NUBPL: variants seen among roughly 807,000 people sequenced by gnomAD.
NUBPL encodes iron-sulfur cluster transfer protein NUBPL.
A neutral mutation model predicts 45.7 loss-of-function variants in NUBPL; 31 were observed. The ratio of observed to expected loss-of-function variants is 0.68; its 90% CI spans 0.51 to 0.92. NUBPL has a LOEUF of 0.92. Ranked by LOEUF, NUBPL falls within the 40% of genes least tolerant of loss-of-function variation. The pLI is 0.00. For synonymous variants in NUBPL, 144 were observed against 140.9 expected (o/e 1.02, Z -0.15); for missense variants, 401 against 398.7 (o/e 1.01, Z -0.05).
intron 7 of NUBPL, among the ~76,000 whole-genome samples, chr14:31,813,563 T>G (rs894652528): frequency 2.0e-5 from 3 of 151,622 alleles, no homozygotes; most frequent in Non-Finnish European, 4.4e-5. Flanking sequence ...ATACTTTAAG[T>G]CCTGGGATAC....
At chr14:31,847,823 A>T (rs1159170488) in intron 9 of NUBPL, among the ~76,000 whole-genome samples, 1 of 152,224 alleles carries the variant, frequency 6.6e-6, no homozygotes, top group African/African-American at 2.4e-5. Flanking sequence ...TACTAATGAT[A>T]TATTTTGATA....
chr14:31,688,652 G>GTTTTTTTTTTT (rs552419842), intron 6 of NUBPL, among the ~76,000 whole-genome samples: 31 of 99,110 alleles, frequency 3.1e-4, no homozygotes, highest in African/African-American at 1.2e-3. Flanking sequence ...ACAGGTTTTT[G>GTTTTTTTTTTT]TTGTTGTTTT....
intron 6 of NUBPL, among the ~76,000 whole-genome samples, chr14:31,693,882 G>T (rs2037153839): frequency 7.6e-6 from 1 of 131,072 alleles, no homozygotes. Flanking sequence ...TTGAGACGGA[G>T]TCTCGCTCTG....
intron 7 of NUBPL, among the ~76,000 whole-genome samples, chr14:31,802,062 A>G (rs2039601290): frequency 6.6e-6 from 1 of 152,210 alleles, no homozygotes; most frequent in Non-Finnish European, 1.5e-5. Flanking sequence ...CATTATTAAT[A>G]GGTGGGGACT....
At chr14:31,749,213 T>C (rs2140015851) in intron 6 of NUBPL, among the ~76,000 whole-genome samples, 1 of 152,334 alleles carries the variant, frequency 6.6e-6, no homozygotes, top group African/African-American at 2.4e-5. Context: ...TTTTTTCCTC[T>C]CTTGTTTATC....
intron 4 of NUBPL, among the ~76,000 whole-genome samples, chr14:31,660,501 C>A (rs1331822173): frequency 1.3e-5 from 2 of 152,050 alleles, no homozygotes; most frequent in Non-Finnish European, 2.9e-5. Flanking sequence ...TCTGAACATT[C>A]TTGTATCTTT....
At chr14:31,649,447 T>A (rs751113785) in intron 4 of NUBPL, among the ~76,000 whole-genome samples, 1 of 152,238 alleles carries the variant, frequency 6.6e-6, no homozygotes, top group Non-Finnish European at 1.5e-5. Context: ...TGATTGAACA[T>A]GAAGATAAAA....
rs1415964608 is a variant in NUBPL at position 31,592,464 on chromosome 14, T to G, written c.292-6825T>G. Among the ~76,000 whole-genome samples, 4 of 152,318 alleles carry G rather than the reference T, an allele frequency of 2.6e-5. No homozygotes were observed. In the East Asian group the frequency reaches 7.7e-4, roughly 29 times the overall value. ...CATCTGAATCATTCTTGCAGCCCTGTTGAGAAGAAAGGCTGGGGTGAGGTT... is the reference window on the plus strand; with the variant it reads ...CATCTGAATCATTCTTGCAGCCCTGGTGAGAAGAAAGGCTGGGGTGAGGTT... On this transcript the variant is annotated intron_variant, in intron 3 of 10. Transcript: ENST00000281081.
intron 4 of NUBPL, among the ~76,000 whole-genome samples, chr14:31,643,094 C>T (rs1270889770): frequency 6.6e-6 from 1 of 152,002 alleles, no homozygotes. Context: ...ATCATGTTAT[C>T]TGTGAGCAAG....
chr14:31,570,853 A>G lies in NUBPL; in HGVS notation c.291+5805A>G, dbSNP rs117047666. 1.5e-3 allele frequency among the ~76,000 whole-genome samples: 223 copies of G among 152,332 alleles called. 4 individuals carry two copies. The East Asian group carries it at 0.037, about 25-fold the overall frequency. On this transcript the variant is annotated intron_variant, in intron 3 of 10. Transcript: ENST00000281081. ...GCCTTTGAGGAACTCATAGACTAGC[A>G]TCCCACTGCAATGACCTTTTACCTG...
At chr14:31,578,951 G>A (rs1444831606) in intron 3 of NUBPL, among the ~76,000 whole-genome samples, 1 of 152,176 alleles carries the variant, frequency 6.6e-6, no homozygotes, top group African/African-American at 2.4e-5. Context: ...AATAACTGAC[G>A]AGTTAGATTA....
intron 7 of NUBPL, among the ~76,000 whole-genome samples, chr14:31,821,661 T>G (rs559628071): frequency 6.6e-6 from 1 of 152,334 alleles, no homozygotes; most frequent in Admixed American, 6.5e-5. Context: ...AGCTACCATA[T>G]GATTGAGCAG....
At chr14:31,647,725 A>G (rs935076001) in intron 4 of NUBPL, among the ~76,000 whole-genome samples, 2 of 152,302 alleles carry the variant, frequency 1.3e-5, no homozygotes, top group African/African-American at 4.8e-5. Flanking sequence ...TTAGGCGTTC[A>G]TGATGCTTCC....
chr14:31,610,719 A>G (rs774175450), intron 4 of NUBPL, among the ~76,000 whole-genome samples: 4 of 152,050 alleles, frequency 2.6e-5, no homozygotes, highest in Admixed American at 6.6e-5. Context: ...GTAATACATT[A>G]GACCATTCAT....
chr14:31,841,917 C>CTTT (rs547795007), intron 8 of NUBPL, among the ~76,000 whole-genome samples: 691 of 42,988 alleles, frequency 0.016, 149 homozygotes, highest in African/African-American at 0.035. Context: ...CGATTCTGGG[C>CTTT]TTTTTTTTTT....
At chr14:31,658,027 C>CAA (rs1011404909) in intron 4 of NUBPL, among the ~76,000 whole-genome samples, 4 of 151,976 alleles carry the variant, frequency 2.6e-5, no homozygotes, top group Admixed American at 2.0e-4. Flanking sequence ...TCAGAACAAA[C>CAA]AAAAAAATTC....
rs1566603237 is a variant in NUBPL at position 31,859,679 on chromosome 14, T to C, written c.*499T>C. On this transcript the variant is annotated 3_prime_UTR_variant, in exon 11 of 11. Transcript: ENST00000281081. ...ATCTGGATCACACTATACCCCAGAC[T>C]TAATGAATTTCAGTCTCCAGGAGTG... The C allele has an allele frequency of 5.8e-6, 1 of 171,874 alleles. No individual in the cohort carries two copies. The highest frequency in any genetic ancestry group is 1.3e-5 in the Non-Finnish European group (1 of 78,582). 10.6% of individuals were successfully genotyped at this position (171,874 alleles called of 1,614,324 possible). A position where few individuals can be genotyped will look rare whatever the true frequency, so the allele number is the denominator to read the frequency against.
intron 4 of NUBPL, among the ~76,000 whole-genome samples, chr14:31,622,186 C>T (rs1231776429): frequency 2.0e-5 from 3 of 152,082 alleles, no homozygotes; most frequent in African/African-American, 7.2e-5. Flanking sequence ...TTTAGGATAT[C>T]TGGCAGAAGA....
intron 8 of NUBPL, among the ~76,000 whole-genome samples, chr14:31,840,679 T>C (rs941047100): frequency 3.9e-5 from 6 of 152,118 alleles, no homozygotes; most frequent in Non-Finnish European, 8.8e-5. Context: ...GACTAATACT[T>C]CATAATCTCA....
Sources: gnomAD v4.1 joint callset for allele counts (sites outside exome capture counted in the v4.1 genomes callset) on GRCh38, gnomAD v4.1.1 for gene constraint, MANE v1.5 for transcripts, NCBI Gene and HGNC (gene_info 2026-07-23, HGNC 2026-07-21) for gene names.